B3GAT2: variants seen among roughly 807,000 people sequenced by gnomAD.
B3GAT2 encodes galactosylgalactosylxylosylprotein 3-beta-glucuronosyltransferase 2.
Under a neutral mutation model 27.8 loss-of-function variants are expected in B3GAT2, and 26 were observed. The observed-to-expected ratio is 0.93, with a 90% confidence interval of 0.68 to 1.30. The LOEUF (loss-of-function observed/expected upper bound fraction) is 1.30. Among genes scored for constraint, B3GAT2 ranks in the 50% most tolerant of loss-of-function variants. The pLI, the probability that B3GAT2 is intolerant of heterozygous loss-of-function variation, is 0.00. For missense variants in B3GAT2, 458 were observed against 459.0 expected (o/e 1.00, Z 0.02); for synonymous variants, 218 against 195.1 (o/e 1.12, Z -0.98).
chr6:70,937,103 A>G (rs1049586486), intron 1 of B3GAT2, among the ~76,000 whole-genome samples: 1 of 152,224 alleles, frequency 6.6e-6, no homozygotes, highest in African/African-American at 2.4e-5. Context: ...AGAAACTACC[A>G]TCAGAGAATA....
At chr6:70,872,262 G>T (rs1052831203) in intron 2 of B3GAT2, among the ~76,000 whole-genome samples, 2 of 151,756 alleles carry the variant, frequency 1.3e-5, no homozygotes, top group Non-Finnish European at 3.0e-5. Flanking sequence ...CTATCTAGTT[G>T]TTCTGTCTAG....
intron 1 of B3GAT2, among the ~76,000 whole-genome samples, chr6:70,907,623 T>G (rs762409075): frequency 6.6e-6 from 1 of 152,362 alleles, no homozygotes; most frequent in African/African-American, 2.4e-5. Context: ...GACGGATTTA[T>G]GCACACTGGA....
In B3GAT2 at chr6:70,857,724, T is replaced by C. The variant is rs930293942; in HGVS notation, c.*3939A>G. 17 of 590,028 alleles carry C rather than the reference T, an allele frequency of 2.9e-5. No individual in the cohort carries two copies. The highest frequency in any genetic ancestry group is 2.8e-4 in the African/African-American group (15 of 53,732). The allele number at this position is 590,028 out of a possible 1,614,324, so 36.5% of individuals were successfully genotyped here. On this transcript the variant is annotated 3_prime_UTR_variant, in exon 4 of 4. Coordinates refer to ENST00000230053, the MANE Select transcript of B3GAT2 (RefSeq NM_080742.3). ...TCTTAATTAAATTTACTCAGGTTAATAACTGATTTGTCTGCATCCTAGAAA... is the reference window on the plus strand; with the variant it reads ...TCTTAATTAAATTTACTCAGGTTAACAACTGATTTGTCTGCATCCTAGAAA...
chr6:70,875,879 T>C (rs1402801878), intron 2 of B3GAT2, among the ~76,000 whole-genome samples: 2 of 152,216 alleles, frequency 1.3e-5, no homozygotes, highest in Non-Finnish European at 2.9e-5. Flanking sequence ...ATCTCTACTC[T>C]GAAAAAACCA....
intron 1 of B3GAT2, among the ~76,000 whole-genome samples, chr6:70,911,403 G>T (rs1162338855): frequency 1.3e-5 from 2 of 152,128 alleles, no homozygotes; most frequent in Non-Finnish European, 2.9e-5. Flanking sequence ...TTATTGACTA[G>T]CAGGTCCTTT....
At chr6:70,867,815 G>A (rs1193114185) in intron 2 of B3GAT2, among the ~76,000 whole-genome samples, 1 of 152,076 alleles carries the variant, frequency 6.6e-6, no homozygotes, top group African/African-American at 2.4e-5. Flanking sequence ...AAGTTATCCT[G>A]TAAGACCAGC....
intron 2 of B3GAT2, among the ~76,000 whole-genome samples, chr6:70,866,332 G>T (rs1195784013): frequency 1.3e-5 from 2 of 152,130 alleles, no homozygotes; most frequent in Admixed American, 1.3e-4. Context: ...AGCCTGGAAA[G>T]GATCAAAATG....
At chr6:70,866,619 A>G (rs150260793) in intron 2 of B3GAT2, among the ~76,000 whole-genome samples, 1 of 152,202 alleles carries the variant, frequency 6.6e-6, no homozygotes, top group Non-Finnish European at 1.5e-5. Flanking sequence ...ACTCGAACAC[A>G]TAATGATAGA....
At chr6:70,907,235 G>C (rs1772616877) in intron 1 of B3GAT2, among the ~76,000 whole-genome samples, 1 of 152,140 alleles carries the variant, frequency 6.6e-6, no homozygotes, top group African/African-American at 2.4e-5. Context: ...TGGCAGTCCT[G>C]GCCATCAGAG....
intron 1 of B3GAT2, among the ~76,000 whole-genome samples, chr6:70,935,418 C>G (rs1442545823): frequency 1.3e-5 from 2 of 152,020 alleles, no homozygotes; most frequent in African/African-American, 4.8e-5. Flanking sequence ...CGCACCACTA[C>G]ACTCCAGTCT....
chr6:70,881,864 A>C, intron 2 of B3GAT2, among the ~76,000 whole-genome samples: 1 of 152,134 alleles, frequency 6.6e-6, no homozygotes, highest in Middle Eastern at 3.2e-3. Flanking sequence ...CTGTCCATCC[A>C]AACTTAGCCT....
chr6:70,956,595 T>G lies in B3GAT2; in HGVS notation c.-166A>C, dbSNP rs935967414. 5.6e-6 allele frequency: 8 copies of G among 1,433,620 alleles called. No homozygotes were observed. Among genetic ancestry groups the G allele is most frequent in the Admixed American group, 5.6e-5 (2 of 35,588 alleles). 88.8% of individuals were successfully genotyped at this position (1,433,620 alleles called of 1,614,324 possible). Reference sequence around the variant, plus strand: ...ACCTGGAGCCGCGGGGCTCACTACCTGGGCGTGGAGGAGCGGCAGGTTCGC... The same window carrying G: ...ACCTGGAGCCGCGGGGCTCACTACCGGGGCGTGGAGGAGCGGCAGGTTCGC... On this transcript the variant is annotated 5_prime_UTR_variant, in exon 1 of 4. Transcript: ENST00000230053.
intron 2 of B3GAT2, among the ~76,000 whole-genome samples, chr6:70,884,613 G>C (rs1273404631): frequency 6.6e-6 from 1 of 152,174 alleles, no homozygotes; most frequent in Non-Finnish European, 1.5e-5. Context: ...AAGGTAGAAA[G>C]GGGCATCCAC....
intron 1 of B3GAT2, among the ~76,000 whole-genome samples, chr6:70,929,137 A>C (rs1773016865): frequency 6.6e-6 from 1 of 151,476 alleles, no homozygotes; most frequent in South Asian, 2.1e-4. Context: ...GCATGTTCTC[A>C]CTCATAGGTG....
rs1562211571 is a variant in B3GAT2, at chr6:70,861,984, T to C, written c.737-6A>G. The stretch of plus-strand genomic sequence containing the variant: ...TTGAAGACTTACAGCAAATCCTTTG[T>C]GAAAAATAAAAAAAAAAAAGAGACT... On this transcript the variant is annotated splice_polypyrimidine_tract_variant and splice_region_variant and intron_variant, in intron 2 of 3. Transcript: ENST00000230053. 2 of 1,567,998 alleles carry C rather than the reference T, an allele frequency of 1.3e-6. No individual in the cohort carries two copies. Among genetic ancestry groups the C allele is most frequent in the South Asian group, 2.4e-5 (2 of 83,770 alleles).
At chr6:70,937,004 T>C (rs1408142823) in intron 1 of B3GAT2, among the ~76,000 whole-genome samples, 2 of 151,760 alleles carry the variant, frequency 1.3e-5, no homozygotes, top group Admixed American at 1.3e-4. Flanking sequence ...GATAGACCAC[T>C]AGCAAGACTA....
chr6:70,858,062 G>A lies in B3GAT2; in HGVS notation c.*3601C>T. The A allele has an allele frequency of 6.2e-7, 1 of 1,614,124 alleles. No homozygotes were observed. Among genetic ancestry groups the A allele is most frequent in the African/African-American group, 1.3e-5 (1 of 75,034 alleles). Reference sequence around the variant, plus strand: ...GATGGGACAGAGTCCAAGCATGATGGTGGGCATGCCCATGCCCAATGGGTT... The same window carrying A: ...GATGGGACAGAGTCCAAGCATGATGATGGGCATGCCCATGCCCAATGGGTT... On this transcript the variant is annotated 3_prime_UTR_variant, in exon 4 of 4. Transcript: ENST00000230053.
chr6:70,899,838 G>A (rs927330022), intron 1 of B3GAT2, among the ~76,000 whole-genome samples: 4 of 152,124 alleles, frequency 2.6e-5, no homozygotes, highest in Non-Finnish European at 5.9e-5. Flanking sequence ...TTTTCTGAGG[G>A]GTAGGGGGAA....
intron 2 of B3GAT2, among the ~76,000 whole-genome samples, chr6:70,876,092 A>T (rs539481308): frequency 1.3e-5 from 2 of 152,366 alleles, no homozygotes; most frequent in South Asian, 2.1e-4. Flanking sequence ...TTCAGAGTTT[A>T]CTTGTATATG....
Sources: allele counts gnomAD v4.1 joint callset (sites outside exome capture counted in the v4.1 genomes callset), GRCh38; gene constraint gnomAD v4.1.1; transcripts MANE v1.5; gene names NCBI Gene and HGNC (gene_info 2026-07-23, HGNC 2026-07-21).